Variants in NRP2 observed in about 807,000 individuals in gnomAD.
The protein encoded by NRP2 is neuropilin-2.
A neutral mutation model predicts 110.4 loss-of-function variants in NRP2; 52 were observed. That is an observed-to-expected ratio of 0.47 (90% CI 0.38 to 0.59). The LOEUF is 0.59. Among genes scored for constraint, NRP2 ranks in the 20% least tolerant of loss-of-function variants. NRP2 has a pLI of 0.00. For synonymous variants in NRP2, 508 were observed against 468.9 expected (o/e 1.08, Z -1.08); for missense variants, 1,049 against 1,203.0 (o/e 0.87, Z 1.89).
At chr2:205,703,652 A>G (rs1314409256) in intron 2 of NRP2, among the ~76,000 whole-genome samples, 1 of 152,156 alleles carries the variant, frequency 6.6e-6, no homozygotes, top group South Asian at 2.1e-4. Context: ...TGGGAAGATC[A>G]AGGAAGGCTC....
intron 15 of NRP2, among the ~76,000 whole-genome samples, chr2:205,787,238 G>A (rs1162842717): frequency 6.6e-6 from 1 of 152,088 alleles, no homozygotes; most frequent in Non-Finnish European, 1.5e-5. Context: ...CCAGCCTAGG[G>A]CCCTCCACAT....
intron 15 of NRP2, among the ~76,000 whole-genome samples, chr2:205,786,736 C>T (rs572922452): frequency 1.1e-4 from 16 of 152,324 alleles, no homozygotes; most frequent in Admixed American, 3.3e-4. Flanking sequence ...CCTCAGTTAA[C>T]ACAGAGGCTT....
At chr2:205,713,534 C>A (rs529185008) in intron 2 of NRP2, among the ~76,000 whole-genome samples, 77 of 152,298 alleles carry the variant, frequency 5.1e-4, no homozygotes, top group African/African-American at 1.7e-3. Context: ...CGCCATTGTT[C>A]ATATTTTAGT....
Position 205,697,714 on chromosome 2 carries a change from G to A in NRP2, c.244G>A (p.Asp82Asn), listed in dbSNP as rs1460485399. Residue 82 changes from aspartate (D) to asparagine (N), a missense_variant, in exon 2 of 17, where the codon GAC (aspartate) becomes AAC (asparagine). Transcript: ENST00000357785. Reference protein sequence around the residue: ...FNPHFEIEKHDCKYDFIEIRD... With the variant: ...FNPHFEIEKHNCKYDFIEIRD... ...CCCTCACTTTGAAATCGAGAAGCAC[G>A]ACTGCAAGTAAGCACCGTCCTGTCC... is the stretch of plus-strand genomic sequence containing the variant. 3.1e-6 allele frequency: 5 copies of A among 1,613,892 alleles called. No individual in the cohort carries two copies. The highest frequency in any genetic ancestry group is 1.7e-5 in the Admixed American group (1 of 59,992).
At chr2:205,728,104 A>T in intron 7 of NRP2, 58 bp downstream of exon 7, 2 of 1,607,484 alleles carry the variant, frequency 1.2e-6, no homozygotes, top group Non-Finnish European at 1.7e-6. Context: ...GGATGGGATC[A>T]GGGGAGCTTT....
At chr2:205,764,006 T>G (rs145718247) in intron 13 of NRP2, 70 bp downstream of exon 13, 1 of 1,588,282 alleles carries the variant, frequency 6.3e-7, no homozygotes, top group Non-Finnish European at 8.6e-7. Flanking sequence ...CATTCATCGT[T>G]AGGGAACGTG....
chr2:205,712,143 G>C (rs1033401130), intron 2 of NRP2, among the ~76,000 whole-genome samples: 1 of 152,186 alleles, frequency 6.6e-6, no homozygotes, highest in East Asian at 1.9e-4. Context: ...TCACCATGCA[G>C]ACTTCAGAAT....
intron 15 of NRP2, among the ~76,000 whole-genome samples, chr2:205,787,532 G>A (rs189694575): frequency 6.6e-5 from 10 of 152,282 alleles, no homozygotes; most frequent in East Asian, 3.9e-4. Flanking sequence ...TTTACAATGC[G>A]GGAAGTAAAC....
At chr2:205,736,199 A>G (rs13411995) in intron 7 of NRP2, among the ~76,000 whole-genome samples, 4,779 of 152,088 alleles carry the variant, frequency 0.031, 199 homozygotes, top group African/African-American at 0.1. Flanking sequence ...AAAATTAGCC[A>G]GGCTTGGTGG....
chr2:205,783,446 A>G (rs1559367465), intron 15 of NRP2, among the ~76,000 whole-genome samples: 2 of 152,198 alleles, frequency 1.3e-5, no homozygotes, highest in African/African-American at 4.8e-5. Flanking sequence ...AACATCCCTT[A>G]AGGTCAGTAT....
intron 12 of NRP2, 72 bp downstream of exon 12, chr2:205,753,047 C>T: frequency 6.3e-7 from 1 of 1,587,076 alleles, no homozygotes. Context: ...CCCCAGATTC[C>T]CTTACAAGCT....
intron 15 of NRP2, among the ~76,000 whole-genome samples, chr2:205,775,390 C>T (rs2058082413): frequency 6.6e-6 from 1 of 152,188 alleles, no homozygotes; most frequent in South Asian, 2.1e-4. Flanking sequence ...CTTCTAAATA[C>T]TCTGCCAGCT....
intron 2 of NRP2, among the ~76,000 whole-genome samples, chr2:205,715,150 G>T (rs2056869487): frequency 4.6e-5 from 7 of 152,228 alleles, no homozygotes; most frequent in Admixed American, 3.9e-4. Context: ...CACCTAAGCA[G>T]TTGTGACAGG....
intron 16 of NRP2, among the ~76,000 whole-genome samples, chr2:205,793,869 G>A (rs1410735294): frequency 6.6e-6 from 1 of 152,120 alleles, no homozygotes; most frequent in Admixed American, 6.5e-5. Flanking sequence ...AAGGCACGAT[G>A]CCTTATTATT....
intron 1 of NRP2, among the ~76,000 whole-genome samples, chr2:205,683,612 G>A (rs916594739): frequency 3.3e-5 from 5 of 151,766 alleles, no homozygotes; most frequent in African/African-American, 4.8e-5. Context: ...AGAATTTGGC[G>A]GTGTTCATAT....
At chr2:205,711,380 G>C (rs142712552) in intron 2 of NRP2, among the ~76,000 whole-genome samples, 1 of 152,220 alleles carries the variant, frequency 6.6e-6, no homozygotes, top group African/African-American at 2.4e-5. Context: ...TATGAAAGAA[G>C]TAAGATGATG....
At chr2:205,762,794 G>A (rs1177097966) in intron 12 of NRP2, among the ~76,000 whole-genome samples, 1 of 152,180 alleles carries the variant, frequency 6.6e-6, no homozygotes, top group East Asian at 1.9e-4. Context: ...GTTCTGCAAG[G>A]CACGTAGTCT....
At position 205,763,245 on chromosome 2, in the gene NRP2, C is replaced by A. The variant is rs932524683; in HGVS notation, c.2045-429C>A. Reference sequence around the variant, plus strand: ...CACCCTCCAATCTAGCAGCCCCCCACCCCCTATAATCTGTCCCCTTGTAAT... The same window carrying A: ...CACCCTCCAATCTAGCAGCCCCCCAACCCCTATAATCTGTCCCCTTGTAAT... On this transcript the variant is annotated intron_variant, in intron 12 of 16. Coordinates refer to ENST00000357785, the MANE Select transcript of NRP2 (RefSeq NM_003872.3). This position sits in a 1 kb window ranked among gnomAD's most constrained non-coding sequence, Gnocchi z 4.0. Among the ~76,000 whole-genome samples, 11 of 151,888 alleles carry A rather than the reference C, an allele frequency of 7.2e-5. No homozygotes were observed. Among genetic ancestry groups the A allele is most frequent in the African/African-American group, 2.4e-4 (10 of 41,182 alleles).
chr2:205,772,813 C>T (rs538001257), intron 15 of NRP2, among the ~76,000 whole-genome samples: 3 of 152,322 alleles, frequency 2.0e-5, no homozygotes, highest in South Asian at 2.1e-4. Context: ...CTCAGCAATT[C>T]GGGCATCTGG....
Sources: allele counts gnomAD v4.1 joint callset (sites outside exome capture counted in the v4.1 genomes callset), GRCh38; gene constraint gnomAD v4.1.1; non-coding constraint Gnocchi (gnomAD v3.1); transcripts MANE v1.5; gene names NCBI Gene and HGNC (gene_info 2026-07-23, HGNC 2026-07-21).